The following MTHFD1 variants were observed in gnomAD, a reference collection of about 807,000 sequenced individuals.
MTHFD1 encodes the protein methylenetetrahydrofolate dehydrogenase, cyclohydrolase and formyltetrahydrofolate synthetase 1.
Under a neutral mutation model 110.3 loss-of-function variants are expected in MTHFD1, and 44 were observed. The ratio of observed to expected loss-of-function variants is 0.40; its 90% CI spans 0.31 to 0.51. MTHFD1 has a LOEUF of 0.51. Ranked by LOEUF, MTHFD1 falls within the 20% of genes least tolerant of loss-of-function variation. The probability of loss-of-function intolerance (pLI) is 0.60; values close to 1 mark genes in which losing one functional copy is unlikely to be tolerated. For missense variants in MTHFD1, 909 were observed against 1,173.1 expected, an observed-to-expected ratio of 0.77 and a Z score of 3.29; for synonymous variants, 402 against 428.8, an observed-to-expected ratio of 0.94 and a Z score of 0.77.
intron 15 of MTHFD1, among the ~76,000 whole-genome samples, chr14:64,432,796 C>G (rs1219149488): frequency 6.6e-6 from 1 of 152,196 alleles, no homozygotes; most frequent in Admixed American, 6.5e-5. Context: ...CTCTCTGTAA[C>G]CCGGCTGGAG....
At chr14:64,430,251 G>A in intron 13 of MTHFD1, 21 bp downstream of exon 13, 1 of 1,611,250 alleles carries the variant, frequency 6.2e-7, no homozygotes, top group Non-Finnish European at 8.5e-7. Flanking sequence ...CTGGGATTTG[G>A]CTGAATTAGA....
chr14:64,404,673 C>T (rs1398878509), intron 2 of MTHFD1, among the ~76,000 whole-genome samples: 2 of 152,046 alleles, frequency 1.3e-5, no homozygotes, highest in East Asian at 3.9e-4. Context: ...CCTTGTTCAT[C>T]AAGAATGTCA....
At chr14:64,414,978 C>G (rs962525385) in intron 4 of MTHFD1, among the ~76,000 whole-genome samples, 4 of 152,104 alleles carry the variant, frequency 2.6e-5, no homozygotes, top group Admixed American at 2.0e-4. Flanking sequence ...CGTGAACCAC[C>G]GCACCCAGCC....
At chr14:64,455,193 T>TA (rs1211646072) in intron 26 of MTHFD1, 1 of 375,214 alleles carries the variant, frequency 2.7e-6, no homozygotes, top group Non-Finnish European at 5.1e-6. Context: ...AGTGCTAACA[T>TA]AATCACAGTT....
chr14:64,449,639 C>T lies in MTHFD1; in HGVS notation c.2457+17C>T, dbSNP rs1197082730. On this transcript the variant is annotated intron_variant, in intron 24 of 27. Coordinates refer to ENST00000652337, the MANE Select transcript of MTHFD1 (RefSeq NM_005956.4). ...GACCTCAAGGTGGGTGATTTGCTGT[C>T]TGCAAAAAAAGAAAAAAGACGAAAA... 1.2e-5 allele frequency: 20 copies of T among 1,613,356 alleles called. No homozygotes were observed. The highest frequency in any genetic ancestry group is 1.7e-5 in the Non-Finnish European group (20 of 1,179,848).
intron 1 of MTHFD1, among the ~76,000 whole-genome samples, chr14:64,399,883 C>T (rs1247299710): frequency 6.6e-6 from 1 of 152,096 alleles, no homozygotes; most frequent in Admixed American, 6.6e-5. Context: ...TCCAGCCATC[C>T]TCCTGCCGCA....
In MTHFD1 at chr14:64,421,922, G is replaced by GCAAGCT. The variant is rs2078077371; in HGVS notation, c.727+2000_727+2005dup. ...TTACAGGCGTGAGCCACCGCACCCA[G>GCAAGCT]CAAGCTCAGTCTTTTTAAAACCTCG... On this transcript the variant is annotated intron_variant, in intron 8 of 27. Transcript: ENST00000652337. Among the ~76,000 whole-genome samples, 13 of 152,152 alleles carry GCAAGCT rather than the reference G, an allele frequency of 8.5e-5. No individual in the cohort carries two copies. In the South Asian group the frequency reaches 2.5e-3, roughly 29 times the overall value.
At chr14:64,410,515 T>A (rs1336875361) in intron 2 of MTHFD1, among the ~76,000 whole-genome samples, 1 of 152,162 alleles carries the variant, frequency 6.6e-6, no homozygotes, top group African/African-American at 2.4e-5. Flanking sequence ...CCTGAGTTGC[T>A]GCACCCGGCC....
At chr14:64,450,874 A>G (rs966815903) in intron 24 of MTHFD1, among the ~76,000 whole-genome samples, 4 of 152,102 alleles carry the variant, frequency 2.6e-5, no homozygotes, top group African/African-American at 7.2e-5. Context: ...AGCCTGGCTA[A>G]TTTGTTTTAT....
chr14:64,438,602 C>A (rs754226538), intron 16 of MTHFD1, among the ~76,000 whole-genome samples: 10 of 152,138 alleles, frequency 6.6e-5, no homozygotes, highest in African/African-American at 1.4e-4. Flanking sequence ...AATAAAAATT[C>A]TCTCTGCTAA....
intron 7 of MTHFD1, chr14:64,419,326 C>A (rs1485174522): frequency 4.4e-6 from 1 of 225,938 alleles, no homozygotes; most frequent in Non-Finnish European, 8.8e-6. Context: ...ATAGCTATGG[C>A]AGCTTGTTCT....
intron 1 of MTHFD1, among the ~76,000 whole-genome samples, chr14:64,390,703 C>T (rs1282672405): frequency 2.6e-5 from 4 of 151,848 alleles, no homozygotes; most frequent in African/African-American, 9.7e-5. Context: ...GGCTGGAGTG[C>T]AATGGCATGA....
chr14:64,409,047 C>T (rs2077961492), intron 2 of MTHFD1, among the ~76,000 whole-genome samples: 1 of 152,172 alleles, frequency 6.6e-6, no homozygotes, highest in African/African-American at 2.4e-5. Flanking sequence ...ACGCTCATAA[C>T]TATAACTATT....
intron 1 of MTHFD1, among the ~76,000 whole-genome samples, chr14:64,397,991 C>T (rs957358201): frequency 6.6e-6 from 1 of 151,988 alleles, no homozygotes; most frequent in African/African-American, 2.4e-5. Context: ...GACTTAGGGC[C>T]AAAGAGAGCC....
At chr14:64,421,178 C>T (rs1374296572) in intron 8 of MTHFD1, among the ~76,000 whole-genome samples, 1 of 152,092 alleles carries the variant, frequency 6.6e-6, no homozygotes, top group East Asian at 1.9e-4. Context: ...CCTCCCTCCT[C>T]TCCCATAGAA....
chr14:64,439,771 G>C (rs1277492217), intron 17 of MTHFD1, among the ~76,000 whole-genome samples: 2 of 151,892 alleles, frequency 1.3e-5, no homozygotes, highest in African/African-American at 4.8e-5. Context: ...GCACGCGCCT[G>C]TAATCCCAGC....
At position 64,430,456 on chromosome 14, in the gene MTHFD1, G is replaced by A. The variant is rs550900709; in HGVS notation, c.1311+226G>A. Reference sequence around the variant, plus strand: ...TGGGATTACAGGCATGCACCACCACGCTCAGCTAATTTTGTATTTTTAGTA... The same window carrying A: ...TGGGATTACAGGCATGCACCACCACACTCAGCTAATTTTGTATTTTTAGTA... On this transcript the variant is annotated intron_variant, in intron 13 of 27. Coordinates refer to ENST00000652337, the MANE Select transcript of MTHFD1 (RefSeq NM_005956.4). 2.3e-4 allele frequency among the ~76,000 whole-genome samples: 35 copies of A among 152,172 alleles called. No individual in the cohort carries two copies. The South Asian group carries it at 2.9e-3, about 13-fold the overall frequency.
chr14:64,410,407 TGGGG>T (rs34498014), intron 2 of MTHFD1, among the ~76,000 whole-genome samples: 1 of 148,742 alleles, frequency 6.7e-6, no homozygotes, highest in African/African-American at 2.5e-5. Context: ...TTTGTAAAGA[TGGGG>T]GGGGGGGTCT....
At chr14:64,411,299 GT>G in intron 3 of MTHFD1, 150 bp downstream of exon 3, 1 of 679,806 alleles carries the variant, frequency 1.5e-6, no homozygotes, top group Non-Finnish European at 2.7e-6. Flanking sequence ...AAATGGGTGG[GT>G]TAGATCTGTG....
Sources: gnomAD v4.1 joint callset for allele counts (sites outside exome capture counted in the v4.1 genomes callset) on GRCh38, gnomAD v4.1.1 for gene constraint, MANE v1.5 for transcripts, NCBI Gene and HGNC (gene_info 2026-07-23, HGNC 2026-07-21) for gene names.